SF1: variants seen among roughly 807,000 people sequenced by gnomAD.
SF1 encodes the protein splicing factor 1, also known as branch point-binding protein.
Under a neutral mutation model 62.5 loss-of-function variants are expected in SF1, and 7 were observed. The observed-to-expected ratio is 0.11, with a 90% CI of 0.06 to 0.21. The LOEUF (loss-of-function observed/expected upper bound fraction) is 0.21. SF1 is among the 10% of genes least tolerant of loss of function. The pLI is 1.00. For synonymous variants in SF1, 394 were observed against 323.6 expected (o/e 1.22, Z -2.33); for missense variants, 578 against 884.0 (o/e 0.65, Z 4.39).
chr11:64,767,291 GA>G (rs1460863779), intron 10 of SF1, 40 bp from the exon 11 acceptor site: 1 of 1,597,728 alleles, frequency 6.3e-7, no homozygotes, highest in Non-Finnish European at 8.6e-7. Flanking sequence ...CAGGACATTG[GA>G]ACTGGCCAGG....
At chr11:64,772,218 T>C in intron 3 of SF1, 1 of 985,184 alleles carries the variant, frequency 1.0e-6, no homozygotes, top group Non-Finnish European at 1.2e-6. Flanking sequence ...TTGTTAAAAA[T>C]TCAACCTTTG....
chr11:64,765,919 T>G lies in SF1; in HGVS notation c.1819A>C (p.Met607Leu). 2.0e-6 allele frequency: 3 copies of G among 1,506,858 alleles called. No homozygotes were observed. The highest frequency in any genetic ancestry group is 1.6e-5 in the African/African-American group (1 of 62,392). The allele number at this position is 1,506,858 out of a possible 1,614,324, so 93.3% of individuals were successfully genotyped here. The change falls in exon 13 of 13, where the codon ATG (methionine) becomes CTG (leucine). Residue 607 changes from methionine (M) to leucine (L), a missense_variant. By Grantham distance (15) the Met-to-Leu change is conservative (BLOSUM62 2). Coordinates refer to ENST00000377390, the MANE Select transcript of SF1 (RefSeq NM_004630.4). Reference sequence around the variant, plus strand: ...ATGGTGACAAAGTTAGAAGGGTCCATGGGAGGCGGAGGAGGAGGGGGCGGG... The same window carrying G: ...ATGGTGACAAAGTTAGAAGGGTCCAGGGGAGGCGGAGGAGGAGGGGGCGGG... ...YAPPPPPPPP[M>L]DPSNFVTMMG...
intron 12 of SF1, 38 bp downstream of exon 12, chr11:64,766,854 CACCCCCAT>C: frequency 4.5e-6 from 3 of 659,982 alleles, no homozygotes; most frequent in South Asian, 2.3e-5. Context: ...CTGTCAGCCC[CACCCCCAT>C]CCCACCCACC....
At chr11:64,770,706 A>T (rs1160032596) in intron 3 of SF1, 2 of 264,690 alleles carry the variant, frequency 7.6e-6, no homozygotes, top group Admixed American at 9.8e-5. Flanking sequence ...GTAAGTGGCA[A>T]GGACAGTATC....
In SF1 at chr11:64,765,516, A is replaced by G. The variant is rs759384487; in HGVS notation, c.*302T>C. 8.1e-6 allele frequency: 13 copies of G among 1,607,478 alleles called. No individual in the cohort carries two copies. The highest frequency in any genetic ancestry group is 1.1e-5 in the Non-Finnish European group (13 of 1,177,366). On this transcript the variant is annotated 3_prime_UTR_variant, in exon 13 of 13. Transcript: ENST00000377390. ...CGGGCCATCGCCGCCGCGGGGAGGG[A>G]TCCTGGCGGCCCGGTTTGGGGAGAG...
chr11:64,773,326 C>CAT (rs1349739802), intron 3 of SF1, 104 bp downstream of exon 3: 14 of 1,536,390 alleles, frequency 9.1e-6, no homozygotes, highest in Non-Finnish European at 1.1e-5. Context: ...GTACAGTCGT[C>CAT]ATACTATGAT....
At position 64,766,433 on chromosome 11, in the gene SF1, G is replaced by A. The variant is rs977617519; in HGVS notation, c.1583-278C>T. 7.8e-6 allele frequency: 4 copies of A among 515,220 alleles called. No individual in the cohort carries two copies. In the African/African-American group the frequency reaches 7.9e-5, roughly 10 times the overall value. The allele number at this position is 515,220 out of a possible 1,614,324, so 31.9% of individuals were successfully genotyped here. ...AGGTACCAGACACAAGAACAGCTCT[G>A]ATGTCCCTCCGCCCAGCCGCCGCCA... On this transcript the variant is annotated intron_variant, in intron 12 of 12. Coordinates refer to ENST00000377390, the MANE Select transcript of SF1 (RefSeq NM_004630.4).
intron 3 of SF1, chr11:64,771,469 G>A (rs549164730): frequency 2.0e-6 from 2 of 985,376 alleles, no homozygotes; most frequent in African/African-American, 1.7e-5. Flanking sequence ...TATACCCTTG[G>A]TTTAGTTGAG....
At position 64,778,399 on chromosome 11, in the gene SF1, C is replaced by G. The variant is rs1939767976; in HGVS notation, c.-7G>C. On this transcript the variant is annotated 5_prime_UTR_variant, in exon 1 of 13. Coordinates refer to ENST00000377390, the MANE Select transcript of SF1 (RefSeq NM_004630.4). ...CGTTCGCTCCGGTCGCCATGGCGCC[C>G]CCGGGGACAGGCACCGGCACCTGCT... 3 of 1,228,460 alleles carry G rather than the reference C, an allele frequency of 2.4e-6. No homozygotes were observed. The highest frequency in any genetic ancestry group is 2.0e-6 in the Non-Finnish European group (2 of 984,774). 76.1% of individuals were successfully genotyped at this position (1,228,460 alleles called of 1,614,324 possible). A position where few individuals can be genotyped will look rare whatever the true frequency, so the allele number is the denominator to read the frequency against.
chr11:64,777,860 G>A, intron 1 of SF1: 4 of 931,416 alleles, frequency 4.3e-6, no homozygotes, highest in Non-Finnish European at 5.1e-6. Flanking sequence ...GGGCGCCTCC[G>A]CCCGGGCCTC....
At chr11:64,773,164 G>A (rs1465120524) in intron 3 of SF1, 1 of 1,290,454 alleles carries the variant, frequency 7.7e-7, no homozygotes, top group Non-Finnish European at 9.8e-7. Context: ...GGTAAATCAG[G>A]TTAAGATCTA....
Position 64,769,987 on chromosome 11 carries a change from A to G in SF1, c.456T>C (p.Phe152=). The change falls in exon 5 of 13, where the codon TTT becomes TTC. Residue 152 remains phenylalanine, a synonymous_variant. Coordinates refer to ENST00000377390, the MANE Select transcript of SF1 (RefSeq NM_004630.4). The part of the protein sequence containing the change: ...IPQDEYPEIN[F]VGLLIGPRGN... ...ACCTGGGCCCGATGAGCAGCCCCACAAAGTTGATTTCTGGGTACTCATCTT... is the reference window on the plus strand; with the variant it reads ...ACCTGGGCCCGATGAGCAGCCCCACGAAGTTGATTTCTGGGTACTCATCTT... 3 of 1,613,918 alleles carry G rather than the reference A, an allele frequency of 1.9e-6. No individual in the cohort carries two copies. Among genetic ancestry groups the G allele is most frequent in the South Asian group, 2.2e-5 (2 of 91,070 alleles).
rs1007009771 is a variant in SF1 at position 64,777,651 on chromosome 11, C to T, written c.31+711G>A. 5.1e-6 allele frequency: 5 copies of T among 985,526 alleles called. No homozygotes were observed. In the African/African-American group the frequency reaches 8.7e-5, roughly 17 times the overall value. The allele number at this position is 985,526 out of a possible 1,614,324, so 61.0% of individuals were successfully genotyped here. The stretch of plus-strand genomic sequence containing the variant: ...CTGGCATTCACAGCTAGCACCCCGT[C>T]CAGCGCTGAACACCCGCCACCCCTG... On this transcript the variant is annotated intron_variant, in intron 1 of 12. Transcript: ENST00000377390.
intron 2 of SF1, among the ~76,000 whole-genome samples, chr11:64,773,810 C>T (rs1258152477): frequency 2.0e-5 from 3 of 152,188 alleles, no homozygotes; most frequent in African/African-American, 7.2e-5. Context: ...AGGTGTTTCA[C>T]CTCTTCCTCC....
At chr11:64,777,690 C>A (rs1483947237) in intron 1 of SF1, 2 of 985,618 alleles carry the variant, frequency 2.0e-6, no homozygotes, top group South Asian at 9.4e-5. Flanking sequence ...CCGACACCAG[C>A]GGACTGGACA....
chr11:64,776,657 T>A (rs1488837486), intron 1 of SF1, 31 bp from the exon 2 acceptor site: 2 of 1,602,746 alleles, frequency 1.2e-6, no homozygotes, highest in South Asian at 1.1e-5. Context: ...CCATCCGATG[T>A]AAATACAAGT....
chr11:64,769,163 C>T (rs1268892429), intron 7 of SF1, 34 bp from the exon 8 acceptor site: 1 of 1,609,164 alleles, frequency 6.2e-7, no homozygotes, highest in South Asian at 1.1e-5. Context: ...TGCAAGGGAA[C>T]AATCTCTACT....
Position 64,765,875 on chromosome 11 carries a change from C to T in SF1, c.1863G>A (p.Ala621=), listed in dbSNP as rs748368326. ...NFVTMMGMGV[A]GMPPFGMPPA... ...GAGGCATCCCGAAGGGCGGCATGCCCGCCACCCCCATGCCCATCATGGTGA... is the reference window on the plus strand; with the variant it reads ...GAGGCATCCCGAAGGGCGGCATGCCTGCCACCCCCATGCCCATCATGGTGA... The change falls in exon 13 of 13, where the codon GCG becomes GCA. Residue 621 remains alanine (A), a synonymous_variant. Transcript: ENST00000377390. 3 of 1,563,514 alleles carry T rather than the reference C, an allele frequency of 1.9e-6. No individual in the cohort carries two copies. The highest frequency in any genetic ancestry group is 1.8e-4 in the Middle Eastern group (1 of 5,610).
intron 1 of SF1, among the ~76,000 whole-genome samples, chr11:64,777,175 TCAG>T (rs1939414635): frequency 6.6e-6 from 1 of 152,194 alleles, no homozygotes; most frequent in South Asian, 2.1e-4. Context: ...AGATCAGCAT[TCAG>T]TTTTCCTGGC....
Sources: allele counts gnomAD v4.1 joint callset (sites outside exome capture counted in the v4.1 genomes callset), GRCh38; gene constraint gnomAD v4.1.1; transcripts MANE v1.5; gene names NCBI Gene and HGNC (gene_info 2026-07-23, HGNC 2026-07-21).